Variants in SUGCT observed in about 807,000 individuals in gnomAD.
SUGCT encodes succinyl-CoA:glutarate-CoA transferase.
In SUGCT, 41 loss-of-function variants were observed where a neutral mutation model predicts 55.0. The observed-to-expected ratio is 0.74, with a 90% CI of 0.58 to 0.97. The LOEUF is 0.97. Among genes scored for constraint, SUGCT ranks in the 50% least tolerant of loss-of-function variants. SUGCT has a pLI of 0.00. For missense variants in SUGCT, 568 were observed against 547.8 expected (o/e 1.04, Z -0.37); for synonymous variants, 187 against 200.4 (o/e 0.93, Z 0.56).
At chr7:40,973,174 C>T in the SUGCT span, among the ~76,000 whole-genome samples, 711 of 152,320 alleles carry the variant, frequency 4.7e-3, 2 homozygotes, top group Non-Finnish European at 5.3e-3. Flanking sequence ...CAGGTCAAGT[C>T]TCTTCCTACC....
chr7:40,852,701 C>T lies in SUGCT; in HGVS notation c.1154-7615C>T, dbSNP rs1793912170. Reference sequence around the variant, plus strand: ...TTCGTATTGATAGCTCAGCTTCCGACTTAGCTTAAGGATCATCTAATCAGC... The same window carrying T: ...TTCGTATTGATAGCTCAGCTTCCGATTTAGCTTAAGGATCATCTAATCAGC... On this transcript the variant is annotated intron_variant, in intron 13 of 13. Coordinates refer to ENST00000335693, the MANE Select transcript of SUGCT (RefSeq NM_001193313.2). 2.0e-5 allele frequency among the ~76,000 whole-genome samples: 3 copies of T among 151,870 alleles called. 1 individual carries two copies. The South Asian group carries it at 6.3e-4, about 32-fold the overall frequency.
chr7:40,326,952 AT>A (rs1398754216), intron 9 of SUGCT, among the ~76,000 whole-genome samples: 1 of 152,242 alleles, frequency 6.6e-6, no homozygotes, highest in Non-Finnish European at 1.5e-5. Context: ...TACCCTTAAA[AT>A]TGCAAAGAAT....
chr7:40,852,320 T>C (rs183626765), intron 13 of SUGCT, among the ~76,000 whole-genome samples: 69 of 152,270 alleles, frequency 4.5e-4, no homozygotes, highest in African/African-American at 1.6e-3. Context: ...ACACATCCAC[T>C]TTTCTTAAAA....
intron 12 of SUGCT, among the ~76,000 whole-genome samples, chr7:40,583,952 A>G (rs946651611): frequency 3.3e-5 from 5 of 152,182 alleles, no homozygotes; most frequent in South Asian, 2.1e-4. Context: ...TATTGTGTCT[A>G]TGTTGAAGCA....
At chr7:40,183,942 G>C (rs1229729792) in intron 3 of SUGCT, among the ~76,000 whole-genome samples, 1 of 152,136 alleles carries the variant, frequency 6.6e-6, no homozygotes, top group African/African-American at 2.4e-5. Flanking sequence ...GGGAGGACGA[G>C]GTGGGCGGAT....
chr7:40,919,384 C>T, the SUGCT span, among the ~76,000 whole-genome samples: 6 of 152,196 alleles, frequency 3.9e-5, no homozygotes, highest in Non-Finnish European at 8.8e-5. Flanking sequence ...GGGAAATTAC[C>T]TTTGAATCAA....
chr7:40,772,454 A>G (rs1037662688), intron 13 of SUGCT, among the ~76,000 whole-genome samples: 2 of 152,126 alleles, frequency 1.3e-5, no homozygotes, highest in African/African-American at 2.4e-5. Flanking sequence ...GATAGACGCT[A>G]GATCTCCAGA....
At chr7:40,897,289 G>A in the SUGCT span, among the ~76,000 whole-genome samples, 1 of 152,122 alleles carries the variant, frequency 6.6e-6, no homozygotes, top group Non-Finnish European at 1.5e-5. Context: ...TCTTGACATT[G>A]GGCAAAGACT....
chr7:40,523,040 A>G (rs1244393199), intron 12 of SUGCT, among the ~76,000 whole-genome samples: 2 of 152,100 alleles, frequency 1.3e-5, no homozygotes, highest in East Asian at 1.9e-4. Context: ...TTTGATTCAT[A>G]TATTATTAAC....
chr7:40,681,849 T>C (rs1188870868), intron 12 of SUGCT, among the ~76,000 whole-genome samples: 1 of 152,158 alleles, frequency 6.6e-6, no homozygotes, highest in Non-Finnish European at 1.5e-5. Context: ...CTCATGGGCA[T>C]GACTTCCTTC....
chr7:40,881,808 G>A, the SUGCT span, among the ~76,000 whole-genome samples: 5 of 152,136 alleles, frequency 3.3e-5, no homozygotes, highest in Non-Finnish European at 5.9e-5. Context: ...TGAAGCTCTC[G>A]CTCCCACCCC....
intron 9 of SUGCT, among the ~76,000 whole-genome samples, chr7:40,391,861 A>G (rs1042889900): frequency 2.6e-5 from 4 of 152,184 alleles, no homozygotes; most frequent in Non-Finnish European, 4.4e-5. Context: ...ACTATTCACA[A>G]TAGCAAAGAC....
chr7:40,503,561 A>G (rs1160950240), intron 12 of SUGCT, among the ~76,000 whole-genome samples: 1 of 152,174 alleles, frequency 6.6e-6, no homozygotes, highest in Admixed American at 6.5e-5. Context: ...TAAAAATAGC[A>G]TGACAAATAA....
intron 12 of SUGCT, among the ~76,000 whole-genome samples, chr7:40,549,049 C>G (rs1004406804): frequency 1.3e-5 from 2 of 152,162 alleles, no homozygotes; most frequent in African/African-American, 4.8e-5. Context: ...CTTTGCCCAA[C>G]AGTTTCTCCT....
At chr7:40,518,602 G>A (rs901114085) in intron 12 of SUGCT, among the ~76,000 whole-genome samples, 1 of 152,058 alleles carries the variant, frequency 6.6e-6, no homozygotes, top group Non-Finnish European at 1.5e-5. Context: ...TGTTCTAGAA[G>A]CAGTTGTATC....
At chr7:40,487,498 T>C (rs1791445815) in intron 11 of SUGCT, among the ~76,000 whole-genome samples, 1 of 152,026 alleles carries the variant, frequency 6.6e-6, no homozygotes, top group South Asian at 2.1e-4. Context: ...ATGTGTTGGA[T>C]GGAATGTTCT....
chr7:40,807,438 A>G (rs1050662193), intron 13 of SUGCT, among the ~76,000 whole-genome samples: 3 of 152,210 alleles, frequency 2.0e-5, no homozygotes, highest in African/African-American at 7.2e-5. Context: ...CACAGCCCGT[A>G]GAGTCTGGAG....
chr7:40,308,635 A>T (rs188959402), intron 8 of SUGCT, among the ~76,000 whole-genome samples: 12 of 152,226 alleles, frequency 7.9e-5, no homozygotes, highest in Admixed American at 5.9e-4. Context: ...TCCAACTCCA[A>T]TGGCTCTCTT....
intron 11 of SUGCT, among the ~76,000 whole-genome samples, chr7:40,480,032 A>G (rs1371249659): frequency 6.6e-6 from 1 of 151,922 alleles, no homozygotes. Flanking sequence ...ATATAATCTC[A>G]TTTGTCTATT....
Sources: gnomAD v4.1 joint callset for allele counts (sites outside exome capture counted in the v4.1 genomes callset) on GRCh38, gnomAD v4.1.1 for gene constraint, MANE v1.5 for transcripts, NCBI Gene and HGNC (gene_info 2026-07-23, HGNC 2026-07-21) for gene names.